WSCD1: variants seen among roughly 807,000 people sequenced by gnomAD.
WSCD1 encodes WSC domain sialate O sulfotransferase 1, also known as sialate:O-sulfotransferase 1.
A neutral mutation model predicts 60.4 loss-of-function variants in WSCD1; 41 were observed. The ratio of observed to expected loss-of-function variants is 0.68; its 90% CI spans 0.53 to 0.88. The LOEUF is 0.88. Among genes scored for constraint, WSCD1 ranks in the 40% least tolerant of loss-of-function variants. WSCD1 has a pLI of 0.00. For missense variants in WSCD1, 784 were observed against 796.2 expected (o/e 0.98, Z 0.18); for synonymous variants, 361 against 332.5 (o/e 1.09, Z -0.93).
At chr17:6,102,553 A>G (rs1189043400) in intron 5 of WSCD1, among the ~76,000 whole-genome samples, 1 of 152,244 alleles carries the variant, frequency 6.6e-6, no homozygotes, top group African/African-American at 2.4e-5. Context: ...GGGTTAACAC[A>G]TATCTATTTT....
chr17:6,071,948 T>C (rs962260744), intron 1 of WSCD1, among the ~76,000 whole-genome samples: 3 of 152,154 alleles, frequency 2.0e-5, no homozygotes, highest in African/African-American at 7.2e-5. Context: ...GAGCAGGAGC[T>C]CTCCCAGGCA....
chr17:6,109,452 C>T (rs1911278754), intron 5 of WSCD1, among the ~76,000 whole-genome samples, 155 bp from the exon 6 acceptor site: 1 of 152,156 alleles, frequency 6.6e-6, no homozygotes, highest in South Asian at 2.1e-4. Context: ...GAATTGGGCA[C>T]AGAGCACAGT....
intron 5 of WSCD1, among the ~76,000 whole-genome samples, chr17:6,109,335 C>T (rs1667593139): frequency 6.6e-6 from 1 of 152,206 alleles, no homozygotes; most frequent in African/African-American, 2.4e-5. Context: ...TATTGCTGCT[C>T]ATACTGTTGA....
At chr17:6,094,596 G>A (rs1910276043) in intron 4 of WSCD1, among the ~76,000 whole-genome samples, 1 of 105,392 alleles carries the variant, frequency 9.5e-6, no homozygotes, top group African/African-American at 2.7e-5. Context: ...AGGGAGGAAG[G>A]AAGGAAGGAA....
At chr17:6,107,852 T>C (rs1340480840) in intron 5 of WSCD1, among the ~76,000 whole-genome samples, 2 of 152,060 alleles carry the variant, frequency 1.3e-5, no homozygotes, top group Non-Finnish European at 2.9e-5. Flanking sequence ...AGTGTTGAGA[T>C]TGAGGGTCAG....
At chr17:6,104,937 A>G (rs528379839) in intron 5 of WSCD1, among the ~76,000 whole-genome samples, 2 of 152,246 alleles carry the variant, frequency 1.3e-5, no homozygotes, top group Admixed American at 1.3e-4. Context: ...AATCTCTGTC[A>G]TTCTGTGTAA....
chr17:6,111,590 A>G (rs2150566852), intron 7 of WSCD1, among the ~76,000 whole-genome samples: 1 of 151,774 alleles, frequency 6.6e-6, no homozygotes, highest in East Asian at 1.9e-4. Flanking sequence ...AATCCCAGCT[A>G]CTCAGGAGGC....
chr17:6,095,046 C>G, intron 4 of WSCD1, 56 bp from the exon 5 acceptor site: 1 of 1,564,410 alleles, frequency 6.4e-7, no homozygotes, highest in Non-Finnish European at 8.6e-7. Context: ...TCCCTGGTGA[C>G]AGGCACCAAC....
At chr17:6,069,338 G>A (rs1179429546), upstream of WSCD1, 2 of 398,728 alleles carry the variant, frequency 5.0e-6, no homozygotes, top group Non-Finnish European at 8.8e-6. Context: ...TATTTAAAGA[G>A]GGGGATTGTG....
In WSCD1 at chr17:6,080,727, G is replaced by A. The variant is rs567587671; in HGVS notation, c.69G>A (p.Thr23=). 700 of 1,613,344 alleles carry A rather than the reference G, an allele frequency of 4.3e-4. 8 individuals carry two copies. The South Asian group carries it at 7.2e-3, about 17-fold the overall frequency. ...CACAGTTCCTGCTGTTCTTCCTCAC[G>A]GCTGCCTACCTGATGACCGGCAGCC... ...RRTQFLLFFL[T]AAYLMTGSLL... Residue 23 remains threonine (T), a synonymous_variant, in exon 2 of 9, where the codon ACG becomes ACA. Coordinates refer to ENST00000317744, the MANE Select transcript of WSCD1 (RefSeq NM_015253.2). The surrounding 1 kb of genome is among the most constrained non-coding windows in gnomAD (Gnocchi z 6.6).
In WSCD1 at chr17:6,123,578, A is replaced by C. The variant is rs764832801; in HGVS notation, c.*2917A>C. ...AAGTAGCAGTAGCCACTTGGTTCTT[A>C]GGGGGCCCCAAGAGGAGAGGAGAAG... is the stretch of plus-strand genomic sequence containing the variant. On this transcript the variant is annotated 3_prime_UTR_variant, in exon 9 of 9. Transcript: ENST00000317744. 5.3e-5 allele frequency: 8 copies of C among 152,154 alleles called. No homozygotes were observed. Among genetic ancestry groups the C allele is most frequent in the Non-Finnish European group, 1.2e-4 (8 of 68,016 alleles). 9.4% of individuals were successfully genotyped at this position (152,154 alleles called of 1,614,324 possible).
Position 6,080,945 on chromosome 17 carries a change from G to A in WSCD1, c.287G>A (p.Arg96Gln), listed in dbSNP as rs756452756. The change falls in exon 2 of 9, where the codon CGG becomes CAG. Residue 96 changes from arginine (R) to glutamine (Q), a missense_variant. Coordinates refer to ENST00000317744, the MANE Select transcript of WSCD1 (RefSeq NM_015253.2). The surrounding 1 kb of genome is among the most constrained non-coding windows in gnomAD (Gnocchi z 6.6). ...DMLQSPLTRP[R>Q]PGPRWLRSRN... is the part of the protein sequence containing the mutation. ...CTGCAGAGCCCCCTGACCCGGCCCC[G>A]GCCCGGCCCCCGCTGGCTCCGGAGC... The A allele has an allele frequency of 1.0e-5, 16 of 1,567,098 alleles. No individual in the cohort carries two copies. The highest frequency in any genetic ancestry group is 7.0e-5 in the East Asian group (3 of 43,142).
rs766559903 is a variant in WSCD1, at chr17:6,101,995, T to C, written c.849+6772T>C. Among the ~76,000 whole-genome samples, 21 of 152,344 alleles carry C rather than the reference T, an allele frequency of 1.4e-4. No homozygotes were observed. Among genetic ancestry groups the C allele is most frequent in the Admixed American group, 3.9e-4 (6 of 15,310 alleles). ...ATTATACCTTGTGATGTGAGGTTTG[T>C]TCTCCCAGCTGCTGTTAGTGATTCT... On this transcript the variant is annotated intron_variant, in intron 5 of 8. Transcript: ENST00000317744. The surrounding 1 kb of genome is among the most constrained non-coding windows in gnomAD (Gnocchi z 4.1).
At chr17:6,091,809 G>A (rs929790988) in intron 4 of WSCD1, among the ~76,000 whole-genome samples, 2 of 152,168 alleles carry the variant, frequency 1.3e-5, no homozygotes, top group Non-Finnish European at 2.9e-5. Flanking sequence ...CTAGTAACAG[G>A]GCTCCAGGAG....
In WSCD1 at chr17:6,120,750, T is replaced by C. The variant is rs1189544513; in HGVS notation, c.*89T>C. 4 of 1,401,320 alleles carry C rather than the reference T, an allele frequency of 2.9e-6. No individual in the cohort carries two copies. Among genetic ancestry groups the C allele is most frequent in the Non-Finnish European group, 3.9e-6 (4 of 1,038,760 alleles). The allele number at this position is 1,401,320 out of a possible 1,614,324, so 86.8% of individuals were successfully genotyped here. ...CACTCTGATGCTCAGGCCCGTGGCC[T>C]CACTGGGACGAACGGTGGGTGGGGG... On this transcript the variant is annotated 3_prime_UTR_variant, in exon 9 of 9. Transcript: ENST00000317744.
rs946313480 is a variant in WSCD1 at position 6,101,915 on chromosome 17, G to A, written c.849+6692G>A. On this transcript the variant is annotated intron_variant, in intron 5 of 8. Transcript: ENST00000317744. This position sits in a 1 kb window ranked among gnomAD's most constrained non-coding sequence, Gnocchi z 4.1. ...GGGTGCTCCGAAAGGAGGCTGATGA[G>A]CGAAATCTAACACCATCTGCAAATA... 6.6e-6 allele frequency among the ~76,000 whole-genome samples: 1 copy of A among 152,206 alleles called. No individual in the cohort carries two copies. Among genetic ancestry groups the A allele is most frequent in the African/African-American group, 2.4e-5 (1 of 41,466 alleles).
At chr17:6,120,271 C>T (rs757177049) in intron 8 of WSCD1, 38 bp from the exon 9 acceptor site, 2 of 1,585,584 alleles carry the variant, frequency 1.3e-6, no homozygotes, top group South Asian at 1.2e-5. Flanking sequence ...CTGGCAGGGC[C>T]AGCCCCCGAC....
intron 4 of WSCD1, among the ~76,000 whole-genome samples, chr17:6,093,071 C>T (rs73347027): frequency 0.018 from 2,744 of 152,340 alleles, 76 homozygotes; most frequent in African/African-American, 0.057. Flanking sequence ...AGGTTGGAAT[C>T]GGAGTGGGTT....
chr17:6,114,802 G>A (rs1023407509), intron 7 of WSCD1, among the ~76,000 whole-genome samples: 2 of 151,912 alleles, frequency 1.3e-5, no homozygotes, highest in Non-Finnish European at 2.9e-5. Flanking sequence ...TGTAAGCCCC[G>A]TATGCCTTAG....
Sources: gnomAD v4.1 joint callset for allele counts (sites outside exome capture counted in the v4.1 genomes callset) on GRCh38, gnomAD v4.1.1 for gene constraint, Gnocchi (gnomAD v3.1) non-coding constraint, MANE v1.5 for transcripts, NCBI Gene and HGNC (gene_info 2026-07-23, HGNC 2026-07-21) for gene names.